The following ANK1 variants were observed in gnomAD, a reference collection of about 807,000 sequenced individuals.
The protein encoded by ANK1 is ankyrin-1.
A neutral mutation model predicts 210.4 loss-of-function variants in ANK1; 51 were observed. The observed-to-expected ratio is 0.24, with a 90% CI of 0.19 to 0.31. The LOEUF is 0.31. Ranked by LOEUF, ANK1 falls within the 10% of genes least tolerant of loss-of-function variation. The pLI is 1.00. For missense variants in ANK1, 2,051 were observed against 2,504.4 expected (o/e 0.82, Z 3.86); for synonymous variants, 967 against 1,025.9 (o/e 0.94, Z 1.10).
chr8:41,655,669 G>A lies in ANK1; in HGVS notation c.*121C>T, dbSNP rs369960648. ...GTCAGCCCAGAGGAATGTGTGCACC[G>A]CTGCGGTGGCCCTCAGGTCCAGCTC... is the stretch of plus-strand genomic sequence containing the variant. On this transcript the variant is annotated 3_prime_UTR_variant, in exon 43 of 43. Coordinates refer to ENST00000289734, the MANE Select transcript of ANK1 (RefSeq NM_000037.4). 27 of 1,587,806 alleles carry A rather than the reference G, an allele frequency of 1.7e-5. No homozygotes were observed. Among genetic ancestry groups the A allele is most frequent in the Admixed American group, 1.5e-4 (9 of 59,928 alleles).
chr8:41,739,968 G>A (rs531955318), intron 2 of ANK1, among the ~76,000 whole-genome samples: 401 of 151,896 alleles, frequency 2.6e-3, no homozygotes, highest in Non-Finnish European at 4.4e-3. Context: ...CTCTTTTGTC[G>A]TGCTCCAGCT....
At chr8:41,881,450 A>G (rs924030366) in intron 1 of ANK1, among the ~76,000 whole-genome samples, 11 of 151,940 alleles carry the variant, frequency 7.2e-5, no homozygotes, top group South Asian at 2.1e-4. Context: ...TATCTATGGG[A>G]TTGGTTCTGT....
rs1820236154 is a variant in ANK1, at chr8:41,694,423, C to A, written c.3327+169G>T. On this transcript the variant is annotated intron_variant, in intron 28 of 42. Coordinates refer to ENST00000289734, the MANE Select transcript of ANK1 (RefSeq NM_000037.4). The surrounding 1 kb of genome is among the most constrained non-coding windows in gnomAD (Gnocchi z 5.7). The stretch of plus-strand genomic sequence containing the variant: ...TCTGCAACTTATCAGGGAGCTTCCA[C>A]CTCACCCCTTCCCACTTAACTCTCC... Among the ~76,000 whole-genome samples the A allele has an allele frequency of 6.6e-6, 1 of 152,200 alleles. No homozygotes were observed. The highest frequency in any genetic ancestry group is 6.5e-5 in the Admixed American group (1 of 15,286).
intron 1 of ANK1, among the ~76,000 whole-genome samples, chr8:41,780,092 A>G (rs1486108585): frequency 6.6e-6 from 1 of 152,220 alleles, no homozygotes; most frequent in African/African-American, 2.4e-5. Flanking sequence ...GCTGAGGCCA[A>G]TGGAAGGATG....
chr8:41,663,157 A>T (rs1809145425), intron 40 of ANK1, among the ~76,000 whole-genome samples: 1 of 147,380 alleles, frequency 6.8e-6, no homozygotes, highest in South Asian at 2.1e-4. Flanking sequence ...TTTATTTTTT[A>T]AAATTTTTTT....
intron 37 of ANK1, among the ~76,000 whole-genome samples, chr8:41,683,802 G>A (rs185235957): frequency 8.5e-4 from 129 of 152,282 alleles, no homozygotes; most frequent in African/African-American, 2.7e-3. Flanking sequence ...GAGAGGGGGC[G>A]GGCGAGGAAG....
intron 37 of ANK1, among the ~76,000 whole-genome samples, chr8:41,677,240 T>C (rs537448871): frequency 1.8e-4 from 28 of 152,188 alleles, no homozygotes; most frequent in Non-Finnish European, 3.8e-4. Context: ...TCTTCTCTTT[T>C]TTCATAATCA....
At chr8:41,692,540 C>A in intron 31 of ANK1, 108 bp downstream of exon 31, 1 of 1,085,054 alleles carries the variant, frequency 9.2e-7, no homozygotes, top group Non-Finnish European at 1.4e-6. Context: ...AGCTGTGGAG[C>A]CCCTCGTCTA....
chr8:41,806,543 T>C (rs200769469), intron 1 of ANK1, among the ~76,000 whole-genome samples: 4 of 152,134 alleles, frequency 2.6e-5, no homozygotes, highest in Non-Finnish European at 5.9e-5. Context: ...GGCGAAACCC[T>C]GTCTCTACTA....
chr8:41,709,553 T>C (rs920577155), intron 16 of ANK1, among the ~76,000 whole-genome samples: 4 of 152,258 alleles, frequency 2.6e-5, no homozygotes, highest in Non-Finnish European at 4.4e-5. Context: ...TCATGAAAAG[T>C]GGATAATAGC....
At chr8:41,860,589 C>A (rs1219296621) in intron 1 of ANK1, among the ~76,000 whole-genome samples, 1 of 152,136 alleles carries the variant, frequency 6.6e-6, no homozygotes, top group Non-Finnish European at 1.5e-5. Context: ...GGTTCCTCAT[C>A]TGAAAAATGG....
chr8:41,848,227 T>C (rs1810459775), intron 1 of ANK1, among the ~76,000 whole-genome samples: 9 of 151,404 alleles, frequency 5.9e-5, no homozygotes, highest in Admixed American at 5.9e-4. Context: ...AATAAATAAA[T>C]AAAACTGTGC....
Position 41,698,757 on chromosome 8 carries a change from G to A in ANK1, c.2559-636C>T, listed in dbSNP as rs144789556. 1.2e-4 allele frequency among the ~76,000 whole-genome samples: 18 copies of A among 152,142 alleles called. 1 individual carries two copies. The East Asian group carries it at 3.5e-3, about 29-fold the overall frequency. On this transcript the variant is annotated intron_variant, in intron 23 of 42. Transcript: ENST00000289734. Reference sequence around the variant, plus strand: ...GGCAGAGGTATACAGTCAAGAGTTCGAGCTTAGCCTGGCAATAGTTTCTAA... The same window carrying A: ...GGCAGAGGTATACAGTCAAGAGTTCAAGCTTAGCCTGGCAATAGTTTCTAA...
chr8:41,768,035 C>G (rs140462957), intron 1 of ANK1, among the ~76,000 whole-genome samples: 1 of 152,260 alleles, frequency 6.6e-6, no homozygotes, highest in East Asian at 1.9e-4. Context: ...GCCTCCCGCA[C>G]TGCTCTGACG....
intron 24 of ANK1, chr8:41,697,835 T>G: frequency 1.5e-6 from 1 of 648,912 alleles, no homozygotes. Context: ...AAGGGCCCCA[T>G]CTGACCATCT....
At chr8:41,688,456 A>G (rs930443494) in intron 34 of ANK1, 55 bp downstream of exon 34, 2 of 1,587,710 alleles carry the variant, frequency 1.3e-6, no homozygotes, top group Non-Finnish European at 1.7e-6. Context: ...AGATGAGCTC[A>G]CGCCCACCCT....
intron 29 of ANK1, among the ~76,000 whole-genome samples, chr8:41,693,645 G>A (rs112081518): frequency 0.031 from 4,757 of 151,826 alleles, 247 homozygotes; most frequent in African/African-American, 0.11. Context: ...TCCATGTCTC[G>A]AACTCTTGAC....
chr8:41,744,766 A>G (rs1020224052), intron 2 of ANK1, among the ~76,000 whole-genome samples: 1 of 152,028 alleles, frequency 6.6e-6, no homozygotes, highest in African/African-American at 2.4e-5. Context: ...CGATCTCCTG[A>G]CCTCGTGATC....
intron 1 of ANK1, among the ~76,000 whole-genome samples, chr8:41,865,052 G>T (rs770760129): frequency 1.3e-5 from 2 of 152,112 alleles, no homozygotes; most frequent in Non-Finnish European, 2.9e-5. Flanking sequence ...CCTACCAGTC[G>T]CAAGGTGGTA....
Sources: gnomAD v4.1 joint callset for allele counts (sites outside exome capture counted in the v4.1 genomes callset) on GRCh38, gnomAD v4.1.1 for gene constraint, Gnocchi (gnomAD v3.1) non-coding constraint, MANE v1.5 for transcripts, NCBI Gene and HGNC (gene_info 2026-07-23, HGNC 2026-07-21) for gene names.